Variants in MRPL55 observed in about 807,000 individuals in gnomAD.
MRPL55 encodes large ribosomal subunit protein mL55.
A neutral mutation model predicts 10.6 loss-of-function variants in MRPL55; 7 were observed. The observed-to-expected ratio is 0.66, with a 90% CI of 0.38 to 1.24. The LOEUF (loss-of-function observed/expected upper bound fraction) is 1.24. Ranked by LOEUF, MRPL55 falls within the 50% of genes most tolerant of loss-of-function variation. The probability of loss-of-function intolerance (pLI) is 0.02; values close to 1 mark genes in which losing one functional copy is unlikely to be tolerated. For missense variants in MRPL55, 148 were observed against 180.3 expected (o/e 0.82, Z 1.03); for synonymous variants, 57 against 71.8 (o/e 0.79, Z 1.04).
intron 3 of MRPL55, 39 bp from the exon 4 acceptor site, chr1:228,107,908 C>T (rs1571860126): frequency 6.2e-7 from 1 of 1,605,616 alleles, no homozygotes; most frequent in African/African-American, 1.3e-5. Flanking sequence ...GCCGACAGTG[C>T]TGCAGCAGAG....
intron 3 of MRPL55, 56 bp from the exon 4 acceptor site, chr1:228,107,925 C>T: frequency 6.3e-7 from 1 of 1,599,492 alleles, no homozygotes; most frequent in Non-Finnish European, 8.5e-7. Flanking sequence ...AGAGTGCCAA[C>T]ATGACTGAGG....
chr1:228,108,549 G>A (rs987746030), intron 2 of MRPL55: 11 of 489,164 alleles, frequency 2.2e-5, no homozygotes, highest in Non-Finnish European at 2.9e-5. Context: ...GCAGGGCCCA[G>A]GCTGTCTGTT....
chr1:228,106,780 A>C lies in MRPL55; in HGVS notation c.367T>G (p.Trp123Gly), dbSNP rs759693890. 6.2e-7 allele frequency: 1 copy of C among 1,613,816 alleles called. No individual in the cohort carries two copies. Among genetic ancestry groups the C allele is most frequent in the South Asian group, 1.1e-5 (1 of 90,990 alleles). ...DLHVERYRQF[W>G]TRTKK ...CACGGTCACTTCTTGGTCCTGGTCC[A>C]GAACTGTCGGTAGCGCTCCACATGC... The change falls in exon 5 of 5, where the codon TGG (tryptophan) becomes GGG (glycine). Residue 123 changes from tryptophan to glycine, a missense_variant. Trp to Gly is a radical substitution (Grantham distance 184). Transcript: ENST00000336520.
At position 228,108,402 on chromosome 1, in the gene MRPL55, G is replaced by T. The variant is rs2033430470; in HGVS notation, c.-58-84C>A. The T allele has an allele frequency of 8.7e-6, 8 of 923,562 alleles. No individual in the cohort carries two copies. The South Asian group carries it at 1.2e-4, about 13-fold the overall frequency. 57.2% of individuals were successfully genotyped at this position (923,562 alleles called of 1,614,324 possible). A position where few individuals can be genotyped will look rare whatever the true frequency, so the allele number is the denominator to read the frequency against. ...TTCTTATCAAATCCCAGCCCAGGAT[G>T]CTTCCAAGACACATGTAATCACCAC... On this transcript the variant is annotated intron_variant, in intron 2 of 4. Transcript: ENST00000336520.
chr1:228,108,362 C>A, intron 2 of MRPL55, 44 bp from the exon 3 acceptor site: 1 of 1,276,682 alleles, frequency 7.8e-7, no homozygotes, highest in Non-Finnish European at 1.1e-6. Flanking sequence ...AAGGAAGGTT[C>A]TTCCACCTAA....
Position 228,106,820 on chromosome 1 carries a change from C to T in MRPL55, c.327G>A (p.Glu109=). ...GCTCCACATGCAAGTCATCACTGAG[C>T]TCCTGCTCGTACTCCTTCCTCGACT... ...QLQSRKEYEQ[E]LSDDLHVERY... Residue 109 remains glutamate (E), a synonymous_variant, in exon 5 of 5, where the codon GAG becomes GAA. Coordinates refer to ENST00000336520, the MANE Select transcript of MRPL55 (RefSeq NM_181463.3). 1 of 1,614,038 alleles carries T rather than the reference C, an allele frequency of 6.2e-7. No homozygotes were observed. Among genetic ancestry groups the T allele is most frequent in the Non-Finnish European group, 8.5e-7 (1 of 1,180,016 alleles).
rs781305486 is a variant in MRPL55 at position 228,107,882 on chromosome 1, G to C, written c.27-13C>G. On this transcript the variant is annotated splice_polypyrimidine_tract_variant and intron_variant, in intron 3 of 4. Transcript: ENST00000336520. ...CTGCCTCAGCCGGCTGCAGATAAAT[G>C]TTCAAGCTCTGGTCAGCCGACAGTG... The C allele has an allele frequency of 1.9e-6, 3 of 1,612,786 alleles. No homozygotes were observed. The African/African-American group carries it at 4.0e-5, about 22-fold the overall frequency.
At position 228,106,914 on chromosome 1, in the gene MRPL55, G is replaced by A. The variant is rs1198942328; in HGVS notation, c.233C>T (p.Pro78Leu). 6.2e-7 allele frequency: 1 copy of A among 1,612,744 alleles called. No individual in the cohort carries two copies. The highest frequency in any genetic ancestry group is 8.5e-7 in the Non-Finnish European group (1 of 1,179,656). Reference protein sequence around the residue: ...YREPRRMLAMPIDLDTLSPEE... With the variant: ...YREPRRMLAMLIDLDTLSPEE... ...AGGAGACAGGGTGTCCAGATCTATG[G>A]GCATCTGCAGGGGACAGACCAAGTT... Residue 78 changes from proline (P) to leucine (L), a missense_variant, in exon 5 of 5, where the codon CCC becomes CTC. Pro to Leu is a moderately conservative substitution (Grantham distance 98). Transcript: ENST00000336520.
Position 228,108,338 on chromosome 1 carries a change from G to A in MRPL55, c.-58-20C>T. 6.9e-7 allele frequency: 1 copy of A among 1,450,452 alleles called. No individual in the cohort carries two copies. The highest frequency in any genetic ancestry group is 9.4e-7 in the Non-Finnish European group (1 of 1,064,796). The allele number at this position is 1,450,452 out of a possible 1,614,324, so 89.8% of individuals were successfully genotyped here. A position where few individuals can be genotyped will look rare whatever the true frequency, so the allele number is the denominator to read the frequency against. On this transcript the variant is annotated intron_variant, in intron 2 of 4. Coordinates refer to ENST00000336520, the MANE Select transcript of MRPL55 (RefSeq NM_181463.3). ...TGCAACCTGCTAGGCAGAGAATGAAGAGATCTTTTTTAAAAGGAAGGTTCT... is the reference window on the plus strand; with the variant it reads ...TGCAACCTGCTAGGCAGAGAATGAAAAGATCTTTTTTAAAAGGAAGGTTCT...
rs1481507437 is a variant in MRPL55 at position 228,108,311 on chromosome 1, C to T, written c.-51G>A. The T allele has an allele frequency of 2.5e-6, 4 of 1,580,770 alleles. No individual in the cohort carries two copies. In the African/African-American group the frequency reaches 4.1e-5, roughly 16 times the overall value. ...TGGAGGTGGTCAGTACAGGCCCTGG[C>T]GTGCAACCTGCTAGGCAGAGAATGA... On this transcript the variant is annotated 5_prime_UTR_variant, in exon 3 of 5. Coordinates refer to ENST00000336520, the MANE Select transcript of MRPL55 (RefSeq NM_181463.3).
In MRPL55 at chr1:228,109,171, G is replaced by C. The variant is rs59467911; in HGVS notation, c.-148C>G. On this transcript the variant is annotated 5_prime_UTR_variant, in exon 1 of 5. Transcript: ENST00000336520. The stretch of plus-strand genomic sequence containing the variant: ...AACCTGCGGCCGCCACAGTCGCTGC[G>C]GAGGGGTCTGAGGACAGGCGGTCCT... The C allele has an allele frequency of 6.6e-6, 1 of 152,600 alleles. No homozygotes were observed. Among genetic ancestry groups the C allele is most frequent in the African/African-American group, 2.4e-5 (1 of 41,582 alleles). The allele number at this position is 152,600 out of a possible 1,614,324, so 9.5% of individuals were successfully genotyped here. A position where few individuals can be genotyped will look rare whatever the true frequency, so the allele number is the denominator to read the frequency against.
At chr1:228,107,216 C>G (rs1038839416) in intron 4 of MRPL55, among the ~76,000 whole-genome samples, 32 of 152,234 alleles carry the variant, frequency 2.1e-4, no homozygotes, top group African/African-American at 7.2e-4. Flanking sequence ...CCCAGGAGTT[C>G]AAGACTAGCC....
In MRPL55 at chr1:228,107,662, G is replaced by A; in HGVS notation, c.228+6C>T. On this transcript the variant is annotated splice_donor_region_variant and intron_variant, in intron 4 of 4. Coordinates refer to ENST00000336520, the MANE Select transcript of MRPL55 (RefSeq NM_181463.3). ...CACCTGGAAGCACCTGGAGAGGGAA[G>A]CTTACCGCCAGCATGCGCCGTGGCT... 6.2e-7 allele frequency: 1 copy of A among 1,612,388 alleles called. No homozygotes were observed. The highest frequency in any genetic ancestry group is 8.5e-7 in the Non-Finnish European group (1 of 1,179,888).
At chr1:228,108,898 C>CT (rs899925045) in intron 2 of MRPL55, 57 bp downstream of exon 2, 4 of 152,828 alleles carry the variant, frequency 2.6e-5, no homozygotes, top group Non-Finnish European at 5.8e-5. Flanking sequence ...CCGGCTGCCT[C>CT]TAAAATGGAA....
chr1:228,107,372 C>T (rs1023790621), intron 4 of MRPL55, among the ~76,000 whole-genome samples: 2 of 152,166 alleles, frequency 1.3e-5, no homozygotes. Flanking sequence ...TGCAGTGAAC[C>T]GAGATCGTGC....
rs760668851 is a variant in MRPL55 at position 228,107,728 on chromosome 1, C to T, written c.168G>A (p.Leu56=). 5.6e-6 allele frequency: 9 copies of T among 1,613,250 alleles called. No individual in the cohort carries two copies. In the South Asian group the frequency reaches 9.9e-5, roughly 18 times the overall value. ...QAYARLYPVL[L]VKQDGSTIHI... ...GGATGGTGGAGCCATCCTGCTTCAC[C>T]AGCAGCACGGGGTAGAGTCGTGCAT... is the stretch of plus-strand genomic sequence containing the variant. Residue 56 remains leucine (L), a synonymous_variant, in exon 4 of 5, where the codon CTG becomes CTA. Coordinates refer to ENST00000336520, the MANE Select transcript of MRPL55 (RefSeq NM_181463.3).
chr1:228,107,000 T>C, intron 4 of MRPL55, 82 bp from the exon 5 acceptor site: 1 of 1,051,882 alleles, frequency 9.5e-7, no homozygotes, highest in Non-Finnish European at 1.4e-6. Flanking sequence ...GGCCTTCCTC[T>C]CAACTTACGT....
At chr1:228,108,435 A>C (rs1423228932) in intron 2 of MRPL55, 117 bp from the exon 3 acceptor site, 2 of 671,178 alleles carry the variant, frequency 3.0e-6, no homozygotes, top group Non-Finnish European at 5.1e-6. Context: ...CACGCCACTC[A>C]CCAACCTCTC....
intron 4 of MRPL55, 55 bp from the exon 5 acceptor site, chr1:228,106,973 C>A: frequency 6.7e-7 from 1 of 1,500,976 alleles, no homozygotes. Context: ...TTGAGAGCTA[C>A]TGGGGGGACA....
Sources: allele counts gnomAD v4.1 joint callset (sites outside exome capture counted in the v4.1 genomes callset), GRCh38; gene constraint gnomAD v4.1.1; transcripts MANE v1.5; gene names NCBI Gene and HGNC (gene_info 2026-07-23, HGNC 2026-07-21).